CNTNAP4: variants seen among roughly 807,000 people sequenced by gnomAD.
CNTNAP4 encodes the protein contactin-associated protein-like 4.
CNTNAP4 carries 98 observed loss-of-function variants against 148.4 expected under a neutral mutation model. The ratio of observed to expected loss-of-function variants is 0.66; its 90% CI spans 0.56 to 0.78. The LOEUF is 0.78. Among genes scored for constraint, CNTNAP4 ranks in the 30% least tolerant of loss-of-function variants. The pLI, the probability that CNTNAP4 is intolerant of heterozygous loss-of-function variation, is 0.00. For missense variants in CNTNAP4, 1,935 were observed against 1,565.6 expected, an observed-to-expected ratio of 1.24 and a Z score of -3.98; for synonymous variants, 730 against 565.1, an observed-to-expected ratio of 1.29 and a Z score of -4.14.
At chr16:76,440,358 T>A (rs998558287) in intron 4 of CNTNAP4, among the ~76,000 whole-genome samples, 43 of 152,144 alleles carry the variant, frequency 2.8e-4, no homozygotes, top group Non-Finnish European at 1.3e-4. Flanking sequence ...ATTTTTCTCT[T>A]TTAAGTTTTT....
chr16:76,355,306 T>G lies in CNTNAP4; in HGVS notation c.197-12T>G, dbSNP rs572403674. On this transcript the variant is annotated splice_polypyrimidine_tract_variant and intron_variant, in intron 2 of 23. Coordinates refer to ENST00000611870, the MANE Select transcript of CNTNAP4 (RefSeq NM_033401.5). ...TTTCTCAATTTTCTCCTGTTTCTATTTTTAATAAAAGGAGCTGGTGGCTGG... is the reference window on the plus strand; with the variant it reads ...TTTCTCAATTTTCTCCTGTTTCTATGTTTAATAAAAGGAGCTGGTGGCTGG... 6.7e-7 allele frequency: 1 copy of G among 1,500,084 alleles called. No individual in the cohort carries two copies. Among genetic ancestry groups the G allele is most frequent in the South Asian group, 1.3e-5 (1 of 74,806 alleles). 92.9% of individuals were successfully genotyped at this position (1,500,084 alleles called of 1,614,324 possible).
Position 76,356,517 on chromosome 16 carries a change from AC to A in CNTNAP4, c.390+1008del, listed in dbSNP as rs369500802. ...ATAAACCTGGATATGGCATATAAAC[AC>A]CTGATGGAAGAAGAACCTAAAGGAT... is the stretch of plus-strand genomic sequence containing the variant. On this transcript the variant is annotated intron_variant, in intron 3 of 23. Transcript: ENST00000611870. 8.8e-4 allele frequency among the ~76,000 whole-genome samples: 134 copies of A among 152,298 alleles called. 1 individual carries two copies. In the East Asian group the frequency reaches 0.02, roughly 23 times the overall value.
At chr16:76,310,627 A>G (rs1960996999) in intron 1 of CNTNAP4, among the ~76,000 whole-genome samples, 1 of 152,122 alleles carries the variant, frequency 6.6e-6, no homozygotes, top group African/African-American at 2.4e-5. Flanking sequence ...GATGATTTAA[A>G]CTATGTTTGC....
chr16:76,294,727 C>G (rs1597104435), intron 1 of CNTNAP4, among the ~76,000 whole-genome samples: 1 of 152,152 alleles, frequency 6.6e-6, no homozygotes, highest in Non-Finnish European at 1.5e-5. Flanking sequence ...TTTCACTTTA[C>G]TCTGCACATT....
intron 3 of CNTNAP4, among the ~76,000 whole-genome samples, chr16:76,403,858 A>G (rs1280833075): frequency 6.6e-6 from 1 of 152,238 alleles, no homozygotes; most frequent in Non-Finnish European, 1.5e-5. Flanking sequence ...ACAGAATACT[A>G]TGCAGCCATA....
chr16:76,557,453 A>G (rs1331487200), intron 23 of CNTNAP4: 2 of 152,214 alleles, frequency 1.3e-5, no homozygotes, highest in East Asian at 1.9e-4. Flanking sequence ...AGAGTGCACC[A>G]GAAGTACTTT....
At position 76,540,266 on chromosome 16, in the gene CNTNAP4, A is replaced by C. The variant is rs145993609; in HGVS notation, c.3354+414A>C. On this transcript the variant is annotated intron_variant, in intron 20 of 23. Coordinates refer to ENST00000611870, the MANE Select transcript of CNTNAP4 (RefSeq NM_033401.5). The stretch of plus-strand genomic sequence containing the variant: ...AATTATTCATGGAGCCAGTTTTTGA[A>C]GAAAAGCACTAATAATTTTTTGGTT... Among the ~76,000 whole-genome samples the C allele has an allele frequency of 2.5e-3, 376 of 152,268 alleles. 11 individuals are homozygous for C. The East Asian group carries it at 0.061, about 25-fold the overall frequency.
rs536564771 is a variant in CNTNAP4, at chr16:76,522,448, C to T, written c.2755+191C>T. ...ACCAGCCTGTGAAATGGGTGTTATC[C>T]GTATTTTACAGATGAGATAGCTGAG... On this transcript the variant is annotated intron_variant, in intron 17 of 23. Transcript: ENST00000611870. 4.0e-4 allele frequency among the ~76,000 whole-genome samples: 61 copies of T among 152,096 alleles called. 1 individual carries two copies. Among genetic ancestry groups the T allele is most frequent in the Middle Eastern group, 6.8e-3 (2 of 294 alleles).
intron 17 of CNTNAP4, among the ~76,000 whole-genome samples, chr16:76,523,293 G>C (rs1190053038): frequency 8.0e-6 from 1 of 124,948 alleles, no homozygotes; most frequent in African/African-American, 3.1e-5. Flanking sequence ...AAAAAGAAAA[G>C]AAAACAAAAC....
At chr16:76,464,089 A>C (rs34836692) in intron 9 of CNTNAP4, among the ~76,000 whole-genome samples, 23,089 of 152,142 alleles carry the variant, frequency 0.15, 2,077 homozygotes, top group South Asian at 0.27. Context: ...AAGGAGCCGG[A>C]TGATAGCAGA....
At chr16:76,502,033 C>T (rs965818193) in intron 15 of CNTNAP4, among the ~76,000 whole-genome samples, 9 of 151,158 alleles carry the variant, frequency 6.0e-5, no homozygotes, top group Admixed American at 1.3e-4. Flanking sequence ...CCCGCCACTG[C>T]ACTCCAGCCT....
chr16:76,502,114 C>T (rs1464942262), intron 15 of CNTNAP4, among the ~76,000 whole-genome samples: 1 of 152,028 alleles, frequency 6.6e-6, no homozygotes, highest in African/African-American at 2.4e-5. Context: ...ATTTAGAGAC[C>T]CACTAATTAA....
intron 2 of CNTNAP4, among the ~76,000 whole-genome samples, chr16:76,339,458 AT>A (rs1412037107): frequency 2.6e-5 from 4 of 152,206 alleles, no homozygotes; most frequent in African/African-American, 9.6e-5. Context: ...ACTAGATGAC[AT>A]TAATATTCAG....
intron 17 of CNTNAP4, among the ~76,000 whole-genome samples, chr16:76,532,036 T>C (rs983446254): frequency 6.6e-6 from 1 of 152,342 alleles, no homozygotes; most frequent in East Asian, 1.9e-4. Context: ...CTTTACTGTG[T>C]ATTTATTTTT....
chr16:76,305,775 C>G (rs1036039647), intron 1 of CNTNAP4, among the ~76,000 whole-genome samples: 4 of 152,100 alleles, frequency 2.6e-5, no homozygotes, highest in African/African-American at 9.7e-5. Flanking sequence ...GAGACTAGCA[C>G]CCAACAGGTA....
intron 4 of CNTNAP4, among the ~76,000 whole-genome samples, chr16:76,428,023 A>G (rs143485543): frequency 8.5e-4 from 130 of 152,296 alleles, no homozygotes; most frequent in African/African-American, 3.0e-3. Context: ...TTTTTTCTTT[A>G]GCCTAAAAAC....
chr16:76,475,495 C>G (rs1002509141), intron 10 of CNTNAP4, among the ~76,000 whole-genome samples: 1 of 152,180 alleles, frequency 6.6e-6, no homozygotes, highest in Non-Finnish European at 1.5e-5. Flanking sequence ...GTGTATTCTC[C>G]TACATTCCTA....
chr16:76,334,884 C>G (rs1963884891), intron 2 of CNTNAP4, among the ~76,000 whole-genome samples: 1 of 152,000 alleles, frequency 6.6e-6, no homozygotes, highest in Non-Finnish European at 1.5e-5. Flanking sequence ...TCAACCTTTC[C>G]ATCTGGTTAA....
At chr16:76,410,123 A>G (rs2078741067) in intron 3 of CNTNAP4, among the ~76,000 whole-genome samples, 1 of 151,676 alleles carries the variant, frequency 6.6e-6, no homozygotes, top group Admixed American at 6.6e-5. Flanking sequence ...TTTCCAGGTC[A>G]TACTAAGGTC....
Sources: allele counts gnomAD v4.1 joint callset (sites outside exome capture counted in the v4.1 genomes callset), GRCh38; gene constraint gnomAD v4.1.1; transcripts MANE v1.5; gene names NCBI Gene and HGNC (gene_info 2026-07-23, HGNC 2026-07-21).